MYO1B: variants seen among roughly 807,000 people sequenced by gnomAD.
MYO1B encodes the protein unconventional myosin-Ib.
A neutral mutation model predicts 159.7 loss-of-function variants in MYO1B; 72 were observed. That is an observed-to-expected ratio of 0.45 (90% confidence interval 0.37 to 0.55). MYO1B has a LOEUF of 0.55. MYO1B is among the 20% of genes least tolerant of loss of function. The pLI is 0.00. For missense variants in MYO1B, 1,062 were observed against 1,364.8 expected, an observed-to-expected ratio of 0.78 and a Z score of 3.50; for synonymous variants, 468 against 473.8, an observed-to-expected ratio of 0.99 and a Z score of 0.16.
At chr2:191,290,907 G>A (rs1161459469) in intron 2 of MYO1B, among the ~76,000 whole-genome samples, 1 of 152,208 alleles carries the variant, frequency 6.6e-6, no homozygotes, top group Non-Finnish European at 1.5e-5. Flanking sequence ...GCACTAGCAG[G>A]TTGTTGCAAT....
chr2:191,273,827 T>G (rs770609801), intron 1 of MYO1B, among the ~76,000 whole-genome samples: 29 of 152,242 alleles, frequency 1.9e-4, no homozygotes, highest in Non-Finnish European at 3.7e-4. Context: ...ATGCGAATTC[T>G]TCTAATGGTT....
rs200920355 is a variant in MYO1B at position 191,364,197 on chromosome 2, C to T, written c.953C>T (p.Ser318Leu). ...TGTGAATTGACCGGCATTGATCAAT[C>T]AGTTCTAGAACGAGCATTCAGTTTC... ...EICELTGIDQ[S>L]VLERAFSFRT... The change falls in exon 11 of 31, where the codon TCA becomes TTA. Residue 318 changes from serine (S) to leucine (L), a missense_variant. Coordinates refer to ENST00000392318, the MANE Select transcript of MYO1B (RefSeq NM_001130158.3). 1.2e-6 allele frequency: 2 copies of T among 1,613,944 alleles called. No homozygotes were observed. Among genetic ancestry groups the T allele is most frequent in the African/African-American group, 1.3e-5 (1 of 75,026 alleles).
At chr2:191,389,140 TTATC>T (rs1695586676) in intron 17 of MYO1B, among the ~76,000 whole-genome samples, 1 of 152,216 alleles carries the variant, frequency 6.6e-6, no homozygotes, top group African/African-American at 2.4e-5. Context: ...GCCATTCCAT[TTATC>T]TATTTGTCCA....
chr2:191,314,485 CTG>C (rs1440605727), intron 3 of MYO1B, among the ~76,000 whole-genome samples: 1 of 152,158 alleles, frequency 6.6e-6, no homozygotes, highest in African/African-American at 2.4e-5. Context: ...ACCAATATGT[CTG>C]TTGGAATTAT....
intron 1 of MYO1B, among the ~76,000 whole-genome samples, chr2:191,256,180 G>A (rs1253267415): frequency 6.6e-6 from 1 of 152,198 alleles, no homozygotes; most frequent in South Asian, 2.1e-4. Context: ...ATAGTGAAAA[G>A]CTATGTGGTG....
chr2:191,315,849 G>A (rs1574411420), intron 3 of MYO1B, among the ~76,000 whole-genome samples: 2 of 152,200 alleles, frequency 1.3e-5, no homozygotes, highest in South Asian at 4.1e-4. Context: ...TCTATAAGAG[G>A]TATAAGTAAG....
At chr2:191,275,848 A>G (rs1687719330) in intron 1 of MYO1B, among the ~76,000 whole-genome samples, 1 of 152,252 alleles carries the variant, frequency 6.6e-6, no homozygotes, top group Non-Finnish European at 1.5e-5. Flanking sequence ...AAAATAATAC[A>G]GACACATGTG....
Position 191,415,599 on chromosome 2 carries a change from G to T in MYO1B, c.3160-516G>T, listed in dbSNP as rs886509040. Reference sequence around the variant, plus strand: ...AGCATCATGTTTTTTTTTTTGTTTTGTTTTGTTTTTTTTTTGAATAAACCC... The same window carrying T: ...AGCATCATGTTTTTTTTTTTGTTTTTTTTTGTTTTTTTTTTGAATAAACCC... On this transcript the variant is annotated intron_variant, in intron 29 of 30. Coordinates refer to ENST00000392318, the MANE Select transcript of MYO1B (RefSeq NM_001130158.3). Among the ~76,000 whole-genome samples the T allele has an allele frequency of 4.2e-3, 621 of 147,594 alleles. 3 individuals carry two copies. The highest frequency in any genetic ancestry group is 0.015 in the African/African-American group (592 of 38,628).
intron 1 of MYO1B, among the ~76,000 whole-genome samples, chr2:191,270,888 T>A (rs1479457823): frequency 6.6e-6 from 1 of 152,264 alleles, no homozygotes; most frequent in Non-Finnish European, 1.5e-5. Flanking sequence ...TGGATCAAAG[T>A]GGCTTGAAGC....
At chr2:191,332,838 G>A (rs1372753022) in intron 4 of MYO1B, among the ~76,000 whole-genome samples, 1 of 152,058 alleles carries the variant, frequency 6.6e-6, no homozygotes, top group Non-Finnish European at 1.5e-5. Context: ...GATTCTTTCC[G>A]AGTGCCACAC....
intron 3 of MYO1B, among the ~76,000 whole-genome samples, chr2:191,309,328 C>T (rs1346009017): frequency 1.3e-5 from 2 of 152,132 alleles, no homozygotes; most frequent in Admixed American, 6.5e-5. Context: ...CGTCCATAGC[C>T]ACTTGTGCGT....
chr2:191,366,851 G>A (rs1307737426), intron 11 of MYO1B, among the ~76,000 whole-genome samples: 2 of 151,376 alleles, frequency 1.3e-5, no homozygotes, highest in South Asian at 2.1e-4. Flanking sequence ...GAGACACCCC[G>A]CACCCCCATC....
At chr2:191,404,347 A>G (rs934517907) in intron 24 of MYO1B, among the ~76,000 whole-genome samples, 3 of 152,220 alleles carry the variant, frequency 2.0e-5, no homozygotes, top group African/African-American at 4.8e-5. Flanking sequence ...GCATATAGCA[A>G]TGAGCTCAGT....
At chr2:191,358,718 T>A (rs986281576) in intron 7 of MYO1B, among the ~76,000 whole-genome samples, 2 of 152,210 alleles carry the variant, frequency 1.3e-5, no homozygotes, top group Non-Finnish European at 2.9e-5. Flanking sequence ...CTTGTCATCA[T>A]TATAAGGTGC....
chr2:191,381,341 C>A (rs1448017710), intron 13 of MYO1B, 121 bp from the exon 14 acceptor site: 1 of 784,400 alleles, frequency 1.3e-6, no homozygotes, highest in Non-Finnish European at 2.2e-6. Context: ...GTGTGCTGGG[C>A]CACAGTTAAA....
chr2:191,405,211 C>T (rs1050817903), intron 24 of MYO1B, among the ~76,000 whole-genome samples: 1 of 152,194 alleles, frequency 6.6e-6, no homozygotes, highest in Non-Finnish European at 1.5e-5. Context: ...AGAAGCAACT[C>T]CTTGTTCATT....
chr2:191,355,237 A>C (rs995513213), intron 7 of MYO1B, among the ~76,000 whole-genome samples: 1 of 152,224 alleles, frequency 6.6e-6, no homozygotes, highest in Non-Finnish European at 1.5e-5. Context: ...CCAGCAGACA[A>C]CCAACCCATG....
rs745592577 is a variant in MYO1B, at chr2:191,383,335, T to C, written c.1346T>C (p.Ile449Thr). ...YFNNAIICDLIENNTNGILAM... is the reference protein window; with the variant it reads ...YFNNAIICDLTENNTNGILAM... The stretch of plus-strand genomic sequence containing the variant: ...AATAATGCTATCATTTGTGACCTAA[T>C]AGAAAATGTGAGTACTTAGGTACAG... Residue 449 changes from isoleucine (I) to threonine (T), a missense_variant, in exon 15 of 31, where the codon ATA becomes ACA. By Grantham distance (89) the Ile-to-Thr change is moderately conservative. Around this residue, in one of 5 missense-constraint regions of MYO1B, gnomAD observed 415 missense variants for 544.0 expected, o/e 0.76. Coordinates refer to ENST00000392318, the MANE Select transcript of MYO1B (RefSeq NM_001130158.3). The C allele has an allele frequency of 6.3e-7, 1 of 1,577,206 alleles. No individual in the cohort carries two copies. The highest frequency in any genetic ancestry group is 1.8e-5 in the Admixed American group (1 of 54,778).
chr2:191,417,866 T>G (rs1016268784), intron 30 of MYO1B, among the ~76,000 whole-genome samples: 4 of 152,142 alleles, frequency 2.6e-5, no homozygotes, highest in African/African-American at 9.7e-5. Context: ...ACCACAGAGC[T>G]CCTTCAGCAG....
Sources: gnomAD v4.1 joint callset for allele counts (sites outside exome capture counted in the v4.1 genomes callset) on GRCh38, gnomAD v4.1.1 for gene constraint, gnomAD v4.1.1 regional missense constraint, MANE v1.5 for transcripts, NCBI Gene and HGNC (gene_info 2026-07-23, HGNC 2026-07-21) for gene names.